CDH13: variants seen among roughly 807,000 people sequenced by gnomAD.
CDH13 encodes the protein cadherin 13.
A neutral mutation model predicts 63.8 loss-of-function variants in CDH13; 24 were observed. The ratio of observed to expected loss-of-function variants is 0.38; its 90% CI spans 0.27 to 0.53. The LOEUF (loss-of-function observed/expected upper bound fraction) is 0.53, where lower values mean the gene tolerates loss of function less well. Among genes scored for constraint, CDH13 ranks in the 20% least tolerant of loss-of-function variants. CDH13 has a pLI of 0.85. For synonymous variants in CDH13, 503 were observed against 355.3 expected (o/e 1.42, Z -4.67); for missense variants, 1,049 against 903.1 (o/e 1.16, Z -2.07).
At chr16:83,704,838 T>G (rs141618634) in intron 10 of CDH13, among the ~76,000 whole-genome samples, 1 of 152,246 alleles carries the variant, frequency 6.6e-6, no homozygotes, top group Non-Finnish European at 1.5e-5. Context: ...GAAAATAGTT[T>G]CAGCATGAGT....
intron 5 of CDH13, among the ~76,000 whole-genome samples, chr16:83,292,100 G>T (rs748386431): frequency 6.6e-6 from 1 of 152,164 alleles, no homozygotes; most frequent in Non-Finnish European, 1.5e-5. Context: ...TTTAAGAAGT[G>T]TCAGGTTGTA....
At chr16:83,564,055 G>A (rs1335149618) in intron 7 of CDH13, among the ~76,000 whole-genome samples, 1 of 152,186 alleles carries the variant, frequency 6.6e-6, no homozygotes, top group Non-Finnish European at 1.5e-5. Context: ...GAGCAATTAT[G>A]AGACTAAATG....
rs1776580553 is a variant in CDH13, at chr16:83,795,101, C to T, written c.*71C>T. 1.5e-6 allele frequency: 2 copies of T among 1,376,768 alleles called. No individual in the cohort carries two copies. Among genetic ancestry groups the T allele is most frequent in the Non-Finnish European group, 2.0e-6 (2 of 1,000,912 alleles). 85.3% of individuals were successfully genotyped at this position (1,376,768 alleles called of 1,614,324 possible). A position where few individuals can be genotyped will look rare whatever the true frequency, so the allele number is the denominator to read the frequency against. ...AGGAAAAAAAAAAATCTATCCAAAT[C>T]TGAAGATTGCGGTTTACAGCTATCG... On this transcript the variant is annotated 3_prime_UTR_variant, in exon 14 of 14. Coordinates refer to ENST00000567109, the MANE Select transcript of CDH13 (RefSeq NM_001257.5).
intron 4 of CDH13, among the ~76,000 whole-genome samples, chr16:83,197,833 CACACACACAA>C (rs2038919777): frequency 6.6e-6 from 1 of 152,022 alleles, no homozygotes; most frequent in African/African-American, 2.4e-5. Context: ...CACACACACA[CACACACACAA>C]AGTATAAGTA....
chr16:83,432,096 A>G (rs911995021), intron 6 of CDH13, among the ~76,000 whole-genome samples: 17 of 152,288 alleles, frequency 1.1e-4, no homozygotes, highest in African/African-American at 3.9e-4. Context: ...AGTGTCTTGG[A>G]CTTCAGTGGA....
intron 2 of CDH13, among the ~76,000 whole-genome samples, chr16:82,980,346 G>C (rs72792106): frequency 0.011 from 1,698 of 152,232 alleles, 11 homozygotes; most frequent in Middle Eastern, 0.031. Context: ...GGCTGGGTCC[G>C]TAAAGACCAA....
chr16:83,737,279 C>T (rs1396283569), intron 10 of CDH13, among the ~76,000 whole-genome samples: 3 of 152,158 alleles, frequency 2.0e-5, no homozygotes, highest in African/African-American at 7.2e-5. Flanking sequence ...ATATCTACAT[C>T]ACAACTGAGT....
intron 8 of CDH13, among the ~76,000 whole-genome samples, chr16:83,667,961 C>T (rs1914149955): frequency 1.3e-5 from 2 of 152,126 alleles, no homozygotes; most frequent in African/African-American, 4.8e-5. Context: ...CCATGCCCAG[C>T]CCCCAAAATA....
intron 10 of CDH13, among the ~76,000 whole-genome samples, chr16:83,730,303 G>T (rs149896593): frequency 6.6e-6 from 1 of 152,164 alleles, no homozygotes; most frequent in Non-Finnish European, 1.5e-5. Flanking sequence ...GAATTCTTGC[G>T]CAAAGGGGGA....
At chr16:83,429,176 A>G (rs2072011079) in intron 6 of CDH13, among the ~76,000 whole-genome samples, 1 of 152,216 alleles carries the variant, frequency 6.6e-6, no homozygotes, top group South Asian at 2.1e-4. Flanking sequence ...ACTGGATCTG[A>G]ACAAGCCATA....
chr16:83,280,079 T>G (rs2089120548), intron 5 of CDH13, among the ~76,000 whole-genome samples: 2 of 152,228 alleles, frequency 1.3e-5, no homozygotes, highest in Admixed American at 1.3e-4. Flanking sequence ...TGCAGGGTAC[T>G]GCAGCAGTTT....
intron 2 of CDH13, among the ~76,000 whole-genome samples, chr16:82,917,355 G>C (rs1313861221): frequency 6.6e-6 from 1 of 152,168 alleles, no homozygotes; most frequent in East Asian, 1.9e-4. Flanking sequence ...CTCAGGTTCA[G>C]AGGAAAATTT....
At chr16:83,242,490 T>C (rs1420175792) in intron 5 of CDH13, among the ~76,000 whole-genome samples, 1 of 152,190 alleles carries the variant, frequency 6.6e-6, no homozygotes, top group African/African-American at 2.4e-5. Flanking sequence ...GCCAAGTTTT[T>C]CTAAATCAGA....
At chr16:82,811,494 G>T (rs2037442365) in intron 1 of CDH13, among the ~76,000 whole-genome samples, 1 of 152,150 alleles carries the variant, frequency 6.6e-6, no homozygotes, top group Non-Finnish European at 1.5e-5. Context: ...GACAAACACA[G>T]GTTCTGCTAA....
chr16:83,428,625 A>T (rs942334292), intron 6 of CDH13, among the ~76,000 whole-genome samples: 2 of 152,206 alleles, frequency 1.3e-5, no homozygotes, highest in African/African-American at 4.8e-5. Context: ...TGTAGAGAGG[A>T]TGAGAGATGC....
At chr16:83,099,783 T>C (rs1388110596) in intron 3 of CDH13, among the ~76,000 whole-genome samples, 1 of 152,054 alleles carries the variant, frequency 6.6e-6, no homozygotes, top group African/African-American at 2.4e-5. Flanking sequence ...CAAAAGGCTG[T>C]TTTGAGTATT....
At chr16:82,720,459 G>T (rs1441971244) in intron 1 of CDH13, among the ~76,000 whole-genome samples, 1 of 152,072 alleles carries the variant, frequency 6.6e-6, no homozygotes, top group Non-Finnish European at 1.5e-5. Context: ...GCTAGCACAG[G>T]GTAGGAACTG....
chr16:83,218,218 G>A (rs1044406841), intron 5 of CDH13, among the ~76,000 whole-genome samples: 4 of 152,164 alleles, frequency 2.6e-5, no homozygotes, highest in African/African-American at 9.7e-5. Flanking sequence ...GATACTATAA[G>A]GGCGTTGGAG....
intron 5 of CDH13, among the ~76,000 whole-genome samples, chr16:83,253,507 G>T (rs1309002933): frequency 6.6e-6 from 1 of 152,214 alleles, no homozygotes; most frequent in Non-Finnish European, 1.5e-5. Context: ...TGTGCCTTCT[G>T]CCATTAAGCA....
Sources: gnomAD v4.1 joint callset for allele counts (sites outside exome capture counted in the v4.1 genomes callset) on GRCh38, gnomAD v4.1.1 for gene constraint, MANE v1.5 for transcripts, NCBI Gene and HGNC (gene_info 2026-07-23, HGNC 2026-07-21) for gene names.